RAPGEF5: variants seen among roughly 807,000 people sequenced by gnomAD.
RAPGEF5 encodes Rap guanine nucleotide exchange factor 5.
Under a neutral mutation model 125.2 loss-of-function variants are expected in RAPGEF5, and 65 were observed. The ratio of observed to expected loss-of-function variants is 0.52; its 90% CI spans 0.43 to 0.64. The LOEUF is 0.64. Ranked by LOEUF, RAPGEF5 falls within the 30% of genes least tolerant of loss-of-function variation. RAPGEF5 has a pLI of 0.00. For synonymous variants in RAPGEF5, 391 were observed against 385.9 expected, an observed-to-expected ratio of 1.01 and a Z score of -0.16; for missense variants, 958 against 1,048.1, an observed-to-expected ratio of 0.91 and a Z score of 1.19.
chr7:22,335,691 CAA>C (rs71653120), intron 1 of RAPGEF5, among the ~76,000 whole-genome samples: 6 of 102,708 alleles, frequency 5.8e-5, no homozygotes, highest in South Asian at 2.8e-4. Context: ...AAGAAACAAG[CAA>C]AAAAAAAAAA....
intron 9 of RAPGEF5, among the ~76,000 whole-genome samples, chr7:22,198,506 C>A (rs2128127519): frequency 6.6e-6 from 1 of 152,314 alleles, no homozygotes; most frequent in Middle Eastern, 3.4e-3. Flanking sequence ...TTGGCCACTA[C>A]TTAAGATAAT....
At chr7:22,213,617 T>C (rs1785560198) in intron 9 of RAPGEF5, among the ~76,000 whole-genome samples, 1 of 152,200 alleles carries the variant, frequency 6.6e-6, no homozygotes, top group Non-Finnish European at 1.5e-5. Flanking sequence ...AATGGAAAGA[T>C]ACTTTAATAC....
chr7:22,301,382 A>G (rs980037484), intron 5 of RAPGEF5, among the ~76,000 whole-genome samples: 4 of 152,126 alleles, frequency 2.6e-5, no homozygotes, highest in African/African-American at 4.8e-5. Context: ...TTGGGAGGCC[A>G]AGGCGGGTGG....
chr7:22,291,311 G>A, intron 5 of RAPGEF5, 70 bp from the exon 6 acceptor site: 1 of 1,478,974 alleles, frequency 6.8e-7, no homozygotes, highest in East Asian at 2.5e-5. Flanking sequence ...AAGTTAGGAA[G>A]AATAAAGGGC....
chr7:22,357,118 C>T lies in RAPGEF5; in HGVS notation c.-58G>A, dbSNP rs1784437808. The T allele has an allele frequency of 1.1e-6, 1 of 915,792 alleles. No homozygotes were observed. Among genetic ancestry groups the T allele is most frequent in the Non-Finnish European group, 1.3e-6 (1 of 760,520 alleles). 56.7% of individuals were successfully genotyped at this position (915,792 alleles called of 1,614,324 possible). A position where few individuals can be genotyped will look rare whatever the true frequency, so the allele number is the denominator to read the frequency against. On this transcript the variant is annotated 5_prime_UTR_variant, in exon 1 of 26. Coordinates refer to ENST00000665637, the MANE Select transcript of RAPGEF5 (RefSeq NM_012294.5). Reference sequence around the variant, plus strand: ...CTCCACCGCGCTCGCCTCCGCGCGCCGTCCGCGCCTTCGCCAGGAAGCGAG... The same window carrying T: ...CTCCACCGCGCTCGCCTCCGCGCGCTGTCCGCGCCTTCGCCAGGAAGCGAG...
At chr7:22,254,322 A>T (rs1348338290) in intron 7 of RAPGEF5, among the ~76,000 whole-genome samples, 2 of 152,006 alleles carry the variant, frequency 1.3e-5, no homozygotes, top group South Asian at 4.2e-4. Context: ...AAGAAAAAAA[A>T]AAAAGGCCGG....
chr7:22,181,407 G>A (rs1170892645), intron 11 of RAPGEF5, among the ~76,000 whole-genome samples: 1 of 152,128 alleles, frequency 6.6e-6, no homozygotes, highest in Non-Finnish European at 1.5e-5. Context: ...GCAATATCCA[G>A]CCAGGTATGC....
intron 8 of RAPGEF5, among the ~76,000 whole-genome samples, chr7:22,224,196 G>A (rs1323352688): frequency 2.0e-5 from 3 of 152,042 alleles, no homozygotes; most frequent in Non-Finnish European, 2.9e-5. Context: ...CCTCCTTAGG[G>A]CATATTTCTG....
In RAPGEF5 at chr7:22,346,438, TATA is replaced by T. The variant is rs777910768; in HGVS notation, c.231+10389_231+10391del. Among the ~76,000 whole-genome samples the T allele has an allele frequency of 3.1e-3, 476 of 152,264 alleles. 5 individuals are homozygous for T. Among genetic ancestry groups the T allele is most frequent in the Non-Finnish European group, 3.4e-3 (230 of 68,024 alleles). ...TCCTATGTACAAATTCACAGCACAA[TATA>T]ATGAGTCAACCATTTGCAGTGTTTG... is the stretch of plus-strand genomic sequence containing the variant. On this transcript the variant is annotated intron_variant, in intron 1 of 25. Coordinates refer to ENST00000665637, the MANE Select transcript of RAPGEF5 (RefSeq NM_012294.5).
chr7:22,257,767 A>G (rs1247956306), intron 7 of RAPGEF5, among the ~76,000 whole-genome samples: 1 of 152,168 alleles, frequency 6.6e-6, no homozygotes, highest in Non-Finnish European at 1.5e-5. Flanking sequence ...TCCCAAATGT[A>G]TTGTAGTTCA....
intron 1 of RAPGEF5, 82 bp from the exon 2 acceptor site, chr7:22,318,119 C>A: frequency 7.4e-7 from 1 of 1,343,552 alleles, no homozygotes; most frequent in Non-Finnish European, 9.9e-7. Context: ...CAACAGTGGC[C>A]AGGGCAGGCC....
chr7:22,223,675 A>G (rs1785846397), intron 8 of RAPGEF5, among the ~76,000 whole-genome samples: 2 of 152,196 alleles, frequency 1.3e-5, no homozygotes, highest in Non-Finnish European at 2.9e-5. Flanking sequence ...AGAAATATGA[A>G]TCTAAATATT....
intron 1 of RAPGEF5, among the ~76,000 whole-genome samples, chr7:22,335,461 C>A (rs572842061): frequency 6.6e-6 from 1 of 152,260 alleles, no homozygotes; most frequent in South Asian, 2.1e-4. Context: ...CATCTTCCCA[C>A]ACCTACCTCA....
intron 1 of RAPGEF5, among the ~76,000 whole-genome samples, chr7:22,348,918 C>A (rs1784277415): frequency 6.6e-6 from 1 of 151,618 alleles, no homozygotes; most frequent in Non-Finnish European, 1.5e-5. Context: ...AAAACCCCAT[C>A]TCTACTAAAA....
chr7:22,296,516 G>A (rs950112696), intron 5 of RAPGEF5, among the ~76,000 whole-genome samples: 3 of 152,158 alleles, frequency 2.0e-5, no homozygotes, highest in Admixed American at 2.0e-4. Context: ...CATAGGGACT[G>A]CCCCTAACTG....
intron 1 of RAPGEF5, among the ~76,000 whole-genome samples, chr7:22,335,176 G>A (rs1784002149): frequency 6.6e-6 from 1 of 152,170 alleles, no homozygotes; most frequent in Non-Finnish European, 1.5e-5. Flanking sequence ...TTACAATCAA[G>A]AGCACTTGCA....
At chr7:22,216,089 C>G (rs1583489015) in intron 9 of RAPGEF5, among the ~76,000 whole-genome samples, 1 of 152,210 alleles carries the variant, frequency 6.6e-6, no homozygotes, top group Non-Finnish European at 1.5e-5. Context: ...GTGTAAATGA[C>G]TTTCCACATT....
intron 5 of RAPGEF5, among the ~76,000 whole-genome samples, chr7:22,294,292 G>A (rs1336534606): frequency 6.6e-6 from 1 of 152,204 alleles, no homozygotes; most frequent in Non-Finnish European, 1.5e-5. Context: ...CTCCCTGAGG[G>A]TTTATGCCAA....
intron 9 of RAPGEF5, among the ~76,000 whole-genome samples, chr7:22,216,222 T>C (rs1382631038): frequency 6.6e-6 from 1 of 152,186 alleles, no homozygotes; most frequent in Non-Finnish European, 1.5e-5. Flanking sequence ...CAATTCTTCC[T>C]CTAAAGCAAT....
Sources: gnomAD v4.1 joint callset for allele counts (sites outside exome capture counted in the v4.1 genomes callset) on GRCh38, gnomAD v4.1.1 for gene constraint, MANE v1.5 for transcripts, NCBI Gene and HGNC (gene_info 2026-07-23, HGNC 2026-07-21) for gene names.